IPO11: variants seen among roughly 807,000 people sequenced by gnomAD.
IPO11 encodes importin-11.
A neutral mutation model predicts 143.2 loss-of-function variants in IPO11; 66 were observed. The ratio of observed to expected loss-of-function variants is 0.46; its 90% CI spans 0.38 to 0.57. The LOEUF (loss-of-function observed/expected upper bound fraction) is 0.57, where lower values mean the gene tolerates loss of function less well. IPO11 is among the 20% of genes least tolerant of loss of function. The pLI, the probability that IPO11 is intolerant of heterozygous loss-of-function variation, is 0.00. For synonymous variants in IPO11, 385 were observed against 377.8 expected (o/e 1.02, Z -0.22); for missense variants, 1,026 against 1,141.0 (o/e 0.90, Z 1.45).
In IPO11 at chr5:62,581,240, G is replaced by A. The variant is rs755973659; in HGVS notation, c.2583-10337G>A. Reference sequence around the variant, plus strand: ...GAAAGTCCTGGCTTGGAGCAGATTCGACTTCATAAACAAATTGTTCCTGAA... The same window carrying A: ...GAAAGTCCTGGCTTGGAGCAGATTCAACTTCATAAACAAATTGTTCCTGAA... On this transcript the variant is annotated intron_variant, in intron 27 of 29. Coordinates refer to ENST00000325324, the MANE Select transcript of IPO11 (RefSeq NM_016338.5). 3.4e-5 allele frequency: 52 copies of A among 1,541,036 alleles called. No homozygotes were observed. Among genetic ancestry groups the A allele is most frequent in the Admixed American group, 1.5e-4 (7 of 48,014 alleles).
intron 28 of IPO11, among the ~76,000 whole-genome samples, chr5:62,593,885 A>G (rs562835129): frequency 1.4e-4 from 21 of 152,356 alleles, no homozygotes; most frequent in Admixed American, 1.3e-4. Context: ...TTATAATTCT[A>G]TGAATTAAAT....
intron 14 of IPO11, among the ~76,000 whole-genome samples, chr5:62,489,687 T>A (rs190804689): frequency 6.6e-6 from 1 of 152,096 alleles, no homozygotes; most frequent in African/African-American, 2.4e-5. Flanking sequence ...GATGGAGCAA[T>A]AAGTACAAAG....
chr5:62,417,321 ATTTTTTTTTT>A (rs34767317), intron 1 of IPO11, among the ~76,000 whole-genome samples: 9 of 65,330 alleles, frequency 1.4e-4, no homozygotes, highest in African/African-American at 5.1e-4. Flanking sequence ...TTATTGGTTA[ATTTTTTTTTT>A]TTTTTTTTTT....
At chr5:62,413,073 G>A (rs1743173518) in intron 1 of IPO11, 144 bp downstream of exon 1, 1 of 152,506 alleles carries the variant, frequency 6.6e-6, no homozygotes. Context: ...CTGCAGACTT[G>A]GCTGTTTGCG....
chr5:62,420,580 CTTT>C (rs1315728708), intron 1 of IPO11, among the ~76,000 whole-genome samples: 7 of 140,062 alleles, frequency 5.0e-5, no homozygotes, highest in Admixed American at 7.3e-5. Flanking sequence ...CTGACTGAAA[CTTT>C]TTTTTTTTTT....
intron 16 of IPO11, among the ~76,000 whole-genome samples, chr5:62,497,384 A>G (rs1441181802): frequency 1.3e-5 from 2 of 152,340 alleles, no homozygotes; most frequent in African/African-American, 4.8e-5. Flanking sequence ...ATGAAATATT[A>G]CAAATGCAGT....
chr5:62,551,537 C>G (rs1743390875), intron 26 of IPO11, among the ~76,000 whole-genome samples: 2 of 151,998 alleles, frequency 1.3e-5, no homozygotes, highest in South Asian at 4.2e-4. Context: ...CATTTTTGTC[C>G]TCGCTCAAAA....
intron 3 of IPO11, among the ~76,000 whole-genome samples, chr5:62,445,664 T>C (rs1744695079): frequency 6.6e-6 from 1 of 152,184 alleles, no homozygotes; most frequent in South Asian, 2.1e-4. Flanking sequence ...TATTATAAAA[T>C]AGGCTTTGTG....
chr5:62,530,361 A>G (rs1044039019), intron 21 of IPO11, among the ~76,000 whole-genome samples: 7 of 152,164 alleles, frequency 4.6e-5, no homozygotes, highest in Admixed American at 3.9e-4. Flanking sequence ...TCAGCCCTCC[A>G]TGTACTTTGG....
At chr5:62,513,379 T>C (rs1580268325) in intron 19 of IPO11, among the ~76,000 whole-genome samples, 2 of 104,042 alleles carry the variant, frequency 1.9e-5, no homozygotes, top group Non-Finnish European at 2.0e-5. Flanking sequence ...CCCACCTCCC[T>C]CCCGGACGGG....
At chr5:62,426,932 T>G (rs1379743513) in intron 1 of IPO11, among the ~76,000 whole-genome samples, 3 of 43,334 alleles carry the variant, frequency 6.9e-5, no homozygotes, top group African/African-American at 1.4e-4. Context: ...TTTCTTTCTG[T>G]TTTTTTTTTT....
At chr5:62,419,130 A>G in intron 1 of IPO11, 2 of 1,548,718 alleles carry the variant, frequency 1.3e-6, no homozygotes, top group African/African-American at 1.4e-5. Flanking sequence ...ACAAAATGGT[A>G]AGTATTTGTG....
intron 26 of IPO11, among the ~76,000 whole-genome samples, chr5:62,557,310 A>C (rs1402948916): frequency 6.6e-6 from 1 of 152,062 alleles, no homozygotes; most frequent in South Asian, 2.1e-4. Flanking sequence ...CAGCCTCCCA[A>C]GTAGCTGGGA....
chr5:62,533,804 T>G (rs1742638787), intron 22 of IPO11, among the ~76,000 whole-genome samples: 1 of 151,966 alleles, frequency 6.6e-6, no homozygotes, highest in Admixed American at 6.6e-5. Flanking sequence ...CTACAAGAAA[T>G]AAAAGTTAGC....
At chr5:62,608,389 A>G (rs1745806731) in intron 29 of IPO11, among the ~76,000 whole-genome samples, 10 of 152,150 alleles carry the variant, frequency 6.6e-5, no homozygotes, top group Admixed American at 6.5e-4. Flanking sequence ...TATTTTCTAA[A>G]AGCTTCACAT....
Position 62,494,130 on chromosome 5 carries a change from TTTC to T in IPO11, c.1590+9_1590+11del. 5.0e-6 allele frequency: 8 copies of T among 1,607,978 alleles called. No individual in the cohort carries two copies. The highest frequency in any genetic ancestry group is 6.8e-6 in the Non-Finnish European group (8 of 1,177,206). On this transcript the variant is annotated splice_region_variant and intron_variant, in intron 16 of 29. Transcript: ENST00000325324. ...TTCAAGATCAAGATTTAGTGGTATG[TTTC>T]TTAAGTGCCTTAAAAGAGTTAGTTT...
intron 5 of IPO11, among the ~76,000 whole-genome samples, chr5:62,459,538 A>G (rs984375648): frequency 1.3e-5 from 2 of 151,510 alleles, no homozygotes; most frequent in African/African-American, 4.9e-5. Context: ...GGTAAGTGGA[A>G]GCGAATTTAT....
chr5:62,571,429 A>G (rs768179197), intron 27 of IPO11, among the ~76,000 whole-genome samples: 3 of 152,208 alleles, frequency 2.0e-5, no homozygotes, highest in Non-Finnish European at 2.9e-5. Flanking sequence ...GATGCCTTCT[A>G]AAATGCTTAA....
chr5:62,501,721 C>T (rs577231968), intron 16 of IPO11, among the ~76,000 whole-genome samples: 3 of 151,896 alleles, frequency 2.0e-5, no homozygotes, highest in Admixed American at 1.3e-4. Flanking sequence ...TTATGCCTAG[C>T]GTGGAGTCAA....
Sources: allele counts gnomAD v4.1 joint callset (sites outside exome capture counted in the v4.1 genomes callset), GRCh38; gene constraint gnomAD v4.1.1; transcripts MANE v1.5; gene names NCBI Gene and HGNC (gene_info 2026-07-23, HGNC 2026-07-21).